Variants in ZWILCH observed in about 807,000 individuals in gnomAD.
The protein encoded by ZWILCH is zwilch kinetochore protein.
Under a neutral mutation model 79.9 loss-of-function variants are expected in ZWILCH, and 74 were observed. That is an observed-to-expected ratio of 0.93 (90% confidence interval 0.77 to 1.12). ZWILCH has a LOEUF of 1.12. ZWILCH is among the 50% of genes most tolerant of loss of function. ZWILCH has a pLI of 0.00. For missense variants in ZWILCH, 694 were observed against 687.5 expected (o/e 1.01, Z -0.11); for synonymous variants, 241 against 228.2 (o/e 1.06, Z -0.51).
chr15:66,538,404 C>G (rs1895080501), intron 16 of ZWILCH, among the ~76,000 whole-genome samples: 1 of 150,010 alleles, frequency 6.7e-6, no homozygotes, highest in Non-Finnish European at 1.5e-5. Context: ...TTTTTTTAGA[C>G]AGAGTTTCGC....
At chr15:66,515,290 A>G (rs1894211019) in intron 3 of ZWILCH, among the ~76,000 whole-genome samples, 1 of 152,126 alleles carries the variant, frequency 6.6e-6, no homozygotes, top group Admixed American at 6.5e-5. Context: ...TTCCTTTGCT[A>G]TTAGCAACTA....
intron 17 of ZWILCH, among the ~76,000 whole-genome samples, chr15:66,544,270 A>T (rs1895285942): frequency 6.7e-6 from 1 of 150,250 alleles, no homozygotes. Flanking sequence ...AAAAAAAAAG[A>T]AAAAAGAAAA....
intron 12 of ZWILCH, among the ~76,000 whole-genome samples, chr15:66,532,005 T>A (rs971925911): frequency 3.9e-5 from 6 of 152,114 alleles, no homozygotes; most frequent in African/African-American, 1.4e-4. Context: ...AGGTAGAGGT[T>A]GCTGTGAGCC....
chr15:66,505,464 C>A, intron 1 of ZWILCH, 73 bp downstream of exon 1: 2 of 1,570,132 alleles, frequency 1.3e-6, no homozygotes, highest in Non-Finnish European at 1.8e-6. Context: ...GATCCCCGCC[C>A]TAAGCCTCTT....
In ZWILCH at chr15:66,520,582, T is replaced by A; in HGVS notation, c.521-8T>A. The A allele has an allele frequency of 7.1e-7, 1 of 1,403,320 alleles. No individual in the cohort carries two copies. Among genetic ancestry groups the A allele is most frequent in the Admixed American group, 1.9e-5 (1 of 52,990 alleles). The allele number at this position is 1,403,320 out of a possible 1,614,324, so 86.9% of individuals were successfully genotyped here. A position where few individuals can be genotyped will look rare whatever the true frequency, so the allele number is the denominator to read the frequency against. On this transcript the variant is annotated splice_region_variant and splice_polypyrimidine_tract_variant and intron_variant, in intron 5 of 18. Transcript: ENST00000307897. ...TGCCTTTACATTTCTTTCTTTCATT[T>A]CCTATAGCTGATAAAAATTATTCTG... is the stretch of plus-strand genomic sequence containing the variant.
At chr15:66,530,109 C>A (rs1160525732) in intron 12 of ZWILCH, among the ~76,000 whole-genome samples, 2 of 152,012 alleles carry the variant, frequency 1.3e-5, no homozygotes, top group East Asian at 3.8e-4. Flanking sequence ...ATTTAAAGGA[C>A]CTAAATTTCT....
chr15:66,528,025 A>G lies in ZWILCH; in HGVS notation c.969+113A>G. Reference sequence around the variant, plus strand: ...AATGGATTTGGGATATCAAGGCAGCATTTAAGGGGAATTTTTGTTGATCTT... The same window carrying G: ...AATGGATTTGGGATATCAAGGCAGCGTTTAAGGGGAATTTTTGTTGATCTT... On this transcript the variant is annotated intron_variant, in intron 10 of 18. Coordinates refer to ENST00000307897, the MANE Select transcript of ZWILCH (RefSeq NM_017975.5). The G allele has an allele frequency of 8.6e-6, 6 of 697,732 alleles. No homozygotes were observed. In the South Asian group the frequency reaches 1.6e-4, roughly 18 times the overall value. 43.2% of individuals were successfully genotyped at this position (697,732 alleles called of 1,614,324 possible). A position where few individuals can be genotyped will look rare whatever the true frequency, so the allele number is the denominator to read the frequency against.
At chr15:66,528,157 G>A (rs1305709913) in intron 10 of ZWILCH, among the ~76,000 whole-genome samples, 6 of 152,144 alleles carry the variant, frequency 3.9e-5, no homozygotes, top group Non-Finnish European at 8.8e-5. Flanking sequence ...AGGCTGGAAT[G>A]CAGTGGCTCC....
At chr15:66,540,056 G>GT in intron 16 of ZWILCH, 42 bp from the exon 17 acceptor site, 1 of 1,510,714 alleles carries the variant, frequency 6.6e-7, no homozygotes. Context: ...GTAAATGGCT[G>GT]TTTTTGAAAA....
rs1048759970 is a variant in ZWILCH at position 66,506,812 on chromosome 15, AAAAT to A, written c.53+1436_53+1439del. 1.3e-4 allele frequency among the ~76,000 whole-genome samples: 20 copies of A among 152,134 alleles called. No individual in the cohort carries two copies. In the South Asian group the frequency reaches 3.5e-3, roughly 27 times the overall value. ...GCAGCGTAGTGAGAACCCGTCTCTA[AAAAT>A]AAATAAATAAATAAGTCCTCTATTG... is the stretch of plus-strand genomic sequence containing the variant. On this transcript the variant is annotated intron_variant, in intron 1 of 18. Coordinates refer to ENST00000307897, the MANE Select transcript of ZWILCH (RefSeq NM_017975.5).
At chr15:66,515,756 C>G in intron 4 of ZWILCH, 112 bp downstream of exon 4, 1 of 755,446 alleles carries the variant, frequency 1.3e-6, no homozygotes, top group Non-Finnish European at 2.3e-6. Flanking sequence ...TTCATCTCCC[C>G]CACCCCCTGA....
chr15:66,527,455 A>T (rs1311410221), intron 9 of ZWILCH, 72 bp downstream of exon 9: 1 of 1,257,618 alleles, frequency 8.0e-7, no homozygotes, highest in Non-Finnish European at 1.1e-6. Flanking sequence ...TTTAAGCTTG[A>T]TACTCTTTTT....
chr15:66,535,488 C>T (rs933973564), intron 14 of ZWILCH, among the ~76,000 whole-genome samples: 5 of 152,022 alleles, frequency 3.3e-5, no homozygotes, highest in Non-Finnish European at 5.9e-5. Context: ...CCAGCCTGGG[C>T]AACGTGGTGA....
chr15:66,521,127 T>C lies in ZWILCH; in HGVS notation c.669T>C (p.Thr223=). Residue 223 remains threonine, a synonymous_variant, in exon 7 of 19, where the codon ACT becomes ACC. Transcript: ENST00000307897. ...ALDDTITASQ[T]AIALDISWSP... ...ATGATACAATCACAGCATCACAAAC[T>C]GCGATCGCTTTGGATATTTCCTGGA... is the stretch of plus-strand genomic sequence containing the variant. The C allele has an allele frequency of 6.2e-7, 1 of 1,614,154 alleles. No individual in the cohort carries two copies.
chr15:66,509,583 GT>G (rs1567039165), intron 2 of ZWILCH, among the ~76,000 whole-genome samples: 1 of 151,786 alleles, frequency 6.6e-6, no homozygotes, highest in Admixed American at 6.6e-5. Context: ...AGGACATTGG[GT>G]TTTTTCCAGT....
At position 66,546,696 on chromosome 15, in the gene ZWILCH, C is replaced by T. The variant is rs372058487; in HGVS notation, c.*17C>T. ...TTCAAGTGAAGTGTGCTGATGAAGT[C>T]CTCTATAAGGTATTTATGTTCACAT... On this transcript the variant is annotated 3_prime_UTR_variant, in exon 18 of 19. Coordinates refer to ENST00000307897, the MANE Select transcript of ZWILCH (RefSeq NM_017975.5). 4.0e-5 allele frequency: 63 copies of T among 1,569,878 alleles called. No homozygotes were observed. Among genetic ancestry groups the T allele is most frequent in the Admixed American group, 3.4e-4 (19 of 55,780 alleles).
intron 14 of ZWILCH, among the ~76,000 whole-genome samples, chr15:66,535,152 C>T (rs557085929): frequency 1.3e-5 from 2 of 152,002 alleles, no homozygotes; most frequent in East Asian, 1.9e-4. Flanking sequence ...CACATCTTGT[C>T]GCACTGGAAG....
At chr15:66,525,918 T>C (rs923465393) in intron 8 of ZWILCH, among the ~76,000 whole-genome samples, 9 of 151,896 alleles carry the variant, frequency 5.9e-5, no homozygotes, top group Non-Finnish European at 1.0e-4. Flanking sequence ...CCCACCACCA[T>C]GCCCTGCTAA....
At chr15:66,508,621 C>T in intron 1 of ZWILCH, 1 of 849,458 alleles carries the variant, frequency 1.2e-6, no homozygotes, top group South Asian at 2.7e-5. Flanking sequence ...CTATTAATCT[C>T]TGTCACAGTT....
Sources: allele counts gnomAD v4.1 joint callset (sites outside exome capture counted in the v4.1 genomes callset), GRCh38; gene constraint gnomAD v4.1.1; transcripts MANE v1.5; gene names NCBI Gene and HGNC (gene_info 2026-07-23, HGNC 2026-07-21).